The following CATSPERD variants were observed in gnomAD, a reference collection of about 807,000 sequenced individuals.
CATSPERD encodes the protein catsper channel auxiliary subunit delta.
In CATSPERD, 86 loss-of-function variants were observed where a neutral mutation model predicts 98.1. The observed-to-expected ratio is 0.88, with a 90% confidence interval of 0.74 to 1.05. CATSPERD has a LOEUF of 1.05. CATSPERD is among the 50% of genes least tolerant of loss of function. The pLI is 0.00. For missense variants in CATSPERD, 995 were observed against 1,005.7 expected (o/e 0.99, Z 0.14); for synonymous variants, 394 against 390.2 (o/e 1.01, Z -0.12).
intron 13 of CATSPERD, among the ~76,000 whole-genome samples, chr19:5,756,814 G>A (rs573669447): frequency 9.2e-4 from 140 of 151,948 alleles, no homozygotes; most frequent in African/African-American, 3.2e-3. Flanking sequence ...GTGTGGTAGC[G>A]TGCTTGGAAT....
At chr19:5,752,937 A>G (rs965970012) in intron 12 of CATSPERD, among the ~76,000 whole-genome samples, 11 of 151,262 alleles carry the variant, frequency 7.3e-5, no homozygotes, top group Admixed American at 2.6e-4. Context: ...CTGAGGCAGG[A>G]GAATCGCTTG....
chr19:5,760,324 G>A (rs183702967), intron 15 of CATSPERD, among the ~76,000 whole-genome samples: 5 of 151,294 alleles, frequency 3.3e-5, no homozygotes, highest in South Asian at 2.1e-4. Context: ...GCTTGAACCC[G>A]GGAGGCAGAG....
intron 18 of CATSPERD, among the ~76,000 whole-genome samples, chr19:5,768,996 A>T (rs1356220001): frequency 6.6e-6 from 1 of 151,960 alleles, no homozygotes; most frequent in Admixed American, 6.6e-5. Flanking sequence ...TCTACTAAAA[A>T]TACGAAAATT....
At chr19:5,747,798 G>A (rs1159435797) in intron 9 of CATSPERD, among the ~76,000 whole-genome samples, 2 of 151,838 alleles carry the variant, frequency 1.3e-5, no homozygotes, top group Non-Finnish European at 2.9e-5. Context: ...TTTTAGTAGA[G>A]ACAAGGTTTT....
chr19:5,748,650 C>T (rs1490808299), intron 10 of CATSPERD, among the ~76,000 whole-genome samples: 1 of 142,890 alleles, frequency 7.0e-6, no homozygotes, highest in Non-Finnish European at 1.5e-5. Context: ...AAAGCTTCAA[C>T]TCTGTATTTT....
intron 14 of CATSPERD, among the ~76,000 whole-genome samples, chr19:5,758,208 A>C (rs1054666709): frequency 2.0e-5 from 3 of 151,948 alleles, no homozygotes; most frequent in Non-Finnish European, 4.4e-5. Context: ...AGGCATGAGG[A>C]TTGCGTGGGG....
chr19:5,732,578 G>A (rs1316992761), intron 4 of CATSPERD, among the ~76,000 whole-genome samples: 5 of 148,782 alleles, frequency 3.4e-5, no homozygotes, highest in African/African-American at 4.9e-5. Context: ...GACTACAGGC[G>A]CCCGCCACCA....
chr19:5,742,919 T>C (rs913665582), intron 7 of CATSPERD, among the ~76,000 whole-genome samples: 3 of 152,140 alleles, frequency 2.0e-5, no homozygotes, highest in African/African-American at 7.2e-5. Flanking sequence ...GGTAGAATAA[T>C]AGACCCCCAA....
intron 11 of CATSPERD, among the ~76,000 whole-genome samples, chr19:5,749,574 C>G (rs746266810): frequency 2.6e-5 from 4 of 152,134 alleles, no homozygotes; most frequent in Non-Finnish European, 4.4e-5. Context: ...ACAACAACAG[C>G]AGCTAAAAGG....
intron 16 of CATSPERD, among the ~76,000 whole-genome samples, chr19:5,765,401 GATTTATTC>G (rs1177092230): frequency 3.6e-5 from 5 of 139,336 alleles, no homozygotes; most frequent in Admixed American, 1.4e-4. Flanking sequence ...CTAGGCCATT[GATTTATTC>G]ATTCATTCAT....
In CATSPERD at chr19:5,757,599, A is replaced by AT. The variant is rs534531838; in HGVS notation, c.1279-222dup. ...GGCGTGAGCCACCGCGCCTGGCCAA[A>AT]TTTTTTTTTTTTTTTTTTTTTTGTA... On this transcript the variant is annotated intron_variant, in intron 13 of 21. Transcript: ENST00000381624. 5.3e-3 allele frequency among the ~76,000 whole-genome samples: 491 copies of AT among 91,800 alleles called. 12 individuals carry two copies. The highest frequency in any genetic ancestry group is 0.018 in the African/African-American group (456 of 24,934). The allele number at this position is 91,800 out of a possible 152,430, so 60.2% of individuals were successfully genotyped here. A position where few individuals can be genotyped will look rare whatever the true frequency, so the allele number is the denominator to read the frequency against.
chr19:5,741,785 C>CCGGGGGGGG (rs939602468), intron 7 of CATSPERD, among the ~76,000 whole-genome samples: 2 of 6,116 alleles, frequency 3.3e-4, no homozygotes, highest in Admixed American at 2.2e-3. Flanking sequence ...ATGCTGAAGG[C>CCGGGGGGGG]GGGGGGGGGG....
Position 5,746,160 on chromosome 19 carries a change from C to T in CATSPERD, c.808+97C>T, listed in dbSNP as rs1043739902. The T allele has an allele frequency of 5.4e-5, 70 of 1,297,262 alleles. No homozygotes were observed. In the African/African-American group the frequency reaches 6.2e-4, roughly 12 times the overall value. The allele number at this position is 1,297,262 out of a possible 1,614,324, so 80.4% of individuals were successfully genotyped here. On this transcript the variant is annotated intron_variant, in intron 9 of 21. Coordinates refer to ENST00000381624, the MANE Select transcript of CATSPERD (RefSeq NM_152784.4). ...AAGGGGAGGGGAAGGAGCAACCCCT[C>T]GACCACTCGGTTATTTTTTCTCTTC... is the stretch of plus-strand genomic sequence containing the variant.
chr19:5,744,722 T>C (rs1191715494), intron 8 of CATSPERD, among the ~76,000 whole-genome samples: 1 of 151,946 alleles, frequency 6.6e-6, no homozygotes, highest in Non-Finnish European at 1.5e-5. Flanking sequence ...TGCCTCAGCC[T>C]CCCGAGTAGC....
intron 21 of CATSPERD, among the ~76,000 whole-genome samples, chr19:5,777,789 C>T (rs964347988): frequency 4.6e-5 from 7 of 151,684 alleles, no homozygotes; most frequent in African/African-American, 1.5e-4. Flanking sequence ...GCAGGAGAAT[C>T]GCTTGAACCC....
In CATSPERD at chr19:5,737,118, A is replaced by G; in HGVS notation, c.392-20A>G. ...CTTCAGGGAACTCATAAACATTTCA[A>G]AATTATATTTTCCTTTCAGGTATAA... On this transcript the variant is annotated intron_variant, in intron 5 of 21. Transcript: ENST00000381624. 1 of 1,545,882 alleles carries G rather than the reference A, an allele frequency of 6.5e-7. No individual in the cohort carries two copies. Among genetic ancestry groups the G allele is most frequent in the Non-Finnish European group, 8.9e-7 (1 of 1,122,632 alleles).
At chr19:5,730,607 A>C (rs2055696159) in intron 4 of CATSPERD, among the ~76,000 whole-genome samples, 1 of 151,802 alleles carries the variant, frequency 6.6e-6, no homozygotes, top group Non-Finnish European at 1.5e-5. Flanking sequence ...ATCTTACTTT[A>C]CATGCAGTAA....
intron 10 of CATSPERD, among the ~76,000 whole-genome samples, chr19:5,748,623 C>CAA (rs1179884868): frequency 0.031 from 1,552 of 50,316 alleles, 36 homozygotes; most frequent in East Asian, 0.041. Flanking sequence ...AGTGAGACTC[C>CAA]AAAAAAAAAA....
chr19:5,731,765 C>T (rs1307753625), intron 4 of CATSPERD, among the ~76,000 whole-genome samples: 19 of 149,796 alleles, frequency 1.3e-4, no homozygotes, highest in African/African-American at 4.4e-4. Flanking sequence ...TTAGTAGAGA[C>T]GGGGTTTCAC....
Sources: allele counts gnomAD v4.1 joint callset (sites outside exome capture counted in the v4.1 genomes callset), GRCh38; gene constraint gnomAD v4.1.1; transcripts MANE v1.5; gene names NCBI Gene and HGNC (gene_info 2026-07-23, HGNC 2026-07-21).